Variants in L3MBTL2 observed in about 807,000 individuals in gnomAD.
L3MBTL2 encodes lethal(3)malignant brain tumor-like protein 2.
A neutral mutation model predicts 86.4 loss-of-function variants in L3MBTL2; 49 were observed. That is an observed-to-expected ratio of 0.57 (90% confidence interval 0.45 to 0.72). The LOEUF is 0.72. Among genes scored for constraint, L3MBTL2 ranks in the 30% least tolerant of loss-of-function variants. The pLI, the probability that L3MBTL2 is intolerant of heterozygous loss-of-function variation, is 0.00. For synonymous variants in L3MBTL2, 336 were observed against 350.6 expected (o/e 0.96, Z 0.47); for missense variants, 755 against 923.7 (o/e 0.82, Z 2.37).
chr22:41,226,453 A>C (rs944731951), intron 12 of L3MBTL2, among the ~76,000 whole-genome samples: 90 of 152,190 alleles, frequency 5.9e-4, no homozygotes, highest in African/African-American at 2.1e-3. Flanking sequence ...CAGAGCTCCC[A>C]CTTATCCCAT....
chr22:41,219,032 T>G, intron 5 of L3MBTL2: 1 of 178,974 alleles, frequency 5.6e-6, no homozygotes, highest in African/African-American at 2.3e-5. Flanking sequence ...TGTATGATGA[T>G]TGAAGGAAAG....
chr22:41,225,736 C>G lies in L3MBTL2; in HGVS notation c.1357-58C>G. ...TGTCCCTATTGGGGTGCGGTACCAA[C>G]CCAGGATGGGGTGCAGTTCATGATA... On this transcript the variant is annotated intron_variant, in intron 11 of 16. Transcript: ENST00000216237. This position sits in a 1 kb window ranked among gnomAD's most constrained non-coding sequence, Gnocchi z 4.1. 6.4e-7 allele frequency: 1 copy of G among 1,564,552 alleles called. No homozygotes were observed. Among genetic ancestry groups the G allele is most frequent in the Non-Finnish European group, 8.7e-7 (1 of 1,146,560 alleles).
intron 16 of L3MBTL2, 50 bp from the exon 17 acceptor site, chr22:41,230,089 C>CCCCCCCCCTTT: frequency 1.1e-6 from 1 of 873,242 alleles, no homozygotes. Context: ...GCCCCCACCC[C>CCCCCCCCCTTT]TCCCAGAGTT....
At chr22:41,208,874 CT>C (rs1273585674) in intron 1 of L3MBTL2, among the ~76,000 whole-genome samples, 1 of 152,032 alleles carries the variant, frequency 6.6e-6, no homozygotes, top group East Asian at 1.9e-4. Context: ...TCCCAAGTAC[CT>C]GGGATTACAG....
chr22:41,226,540 C>A, intron 12 of L3MBTL2, 122 bp from the exon 13 acceptor site: 1 of 738,424 alleles, frequency 1.4e-6, no homozygotes, highest in Non-Finnish European at 2.4e-6. Context: ...AAGAAGGCTG[C>A]TGGGGAGACT....
chr22:41,228,010 C>G (rs903369010), intron 15 of L3MBTL2, 141 bp downstream of exon 15: 2 of 1,431,070 alleles, frequency 1.4e-6, no homozygotes, highest in Non-Finnish European at 1.8e-6. Flanking sequence ...GTGTTCCTGT[C>G]CTGTCTCTTT....
At position 41,227,117 on chromosome 22, in the gene L3MBTL2, G is replaced by T. The variant is rs1407389129; in HGVS notation, c.1616G>T (p.Gly539Val). The T allele has an allele frequency of 1.9e-6, 3 of 1,613,234 alleles. No homozygotes were observed. The highest frequency in any genetic ancestry group is 2.5e-6 in the Non-Finnish European group (3 of 1,179,826). Residue 539 changes from glycine (G) to valine (V), a missense_variant, in exon 14 of 17, where the codon GGC becomes GTC. Around this residue, in one of 3 missense-constraint regions of L3MBTL2, gnomAD observed 634 missense variants for 748.9 expected, o/e 0.85. Coordinates refer to ENST00000216237, the MANE Select transcript of L3MBTL2 (RefSeq NM_031488.5). The surrounding 1 kb of genome is among the most constrained non-coding windows in gnomAD (Gnocchi z 6.0). ...MDCPNHGFKV[G>V]MKLEAVDLME... ...TGCCCAAACCATGGCTTCAAGGTGG[G>T]CATGAAGCTGGAGGCCGTGGACCTG...
chr22:41,210,096 C>G (rs1343811440), intron 2 of L3MBTL2, 163 bp downstream of exon 2: 6 of 795,144 alleles, frequency 7.5e-6, no homozygotes, highest in Non-Finnish European at 1.1e-5. Flanking sequence ...GAGACAGAAG[C>G]ACCCCAAGTA....
chr22:41,215,700 GTGGACCCTCTCCCGAACATTCGC>G, intron 3 of L3MBTL2, among the ~76,000 whole-genome samples: 2 of 152,220 alleles, frequency 1.3e-5, no homozygotes, highest in African/African-American at 4.8e-5. Context: ...ATTCGCCTAT[GTGGACCCTCTCCCGAACATTCGC>G]CTATGTGGAC....
intron 8 of L3MBTL2, 197 bp downstream of exon 8, chr22:41,221,484 C>G (rs2031814806): frequency 1.7e-6 from 1 of 589,436 alleles, no homozygotes; most frequent in African/African-American, 1.8e-5. Context: ...TCGGCCACTG[C>G]CCCACCCAGA....
At chr22:41,217,919 C>T (rs1295154325) in intron 5 of L3MBTL2, 1 of 152,276 alleles carries the variant, frequency 6.6e-6, no homozygotes, top group Non-Finnish European at 1.5e-5. Flanking sequence ...ACAGCTGCTT[C>T]TTGACTCAGC....
chr22:41,210,230 A>G (rs919460029), intron 2 of L3MBTL2, among the ~76,000 whole-genome samples: 4 of 149,640 alleles, frequency 2.7e-5, no homozygotes, highest in African/African-American at 1.0e-4. Flanking sequence ...GCTCACTGCA[A>G]CTTCCACCTC....
rs2032218415 is a variant in L3MBTL2 at position 41,226,854 on chromosome 22, ACAT to A, written c.1587+113_1587+115del. On this transcript the variant is annotated intron_variant, in intron 13 of 16. Transcript: ENST00000216237. ...TCTTTCTCTCGAATCTCTACTGCTG[ACAT>A]CAGCCACTTTCAGGGGGAAGTCCCC... 9 of 859,722 alleles carry A rather than the reference ACAT, an allele frequency of 1.0e-5. No individual in the cohort carries two copies. In the South Asian group the frequency reaches 1.4e-4, roughly 14 times the overall value. 53.3% of individuals were successfully genotyped at this position (859,722 alleles called of 1,614,324 possible). A position where few individuals can be genotyped will look rare whatever the true frequency, so the allele number is the denominator to read the frequency against.
chr22:41,222,361 A>G (rs2031885514), intron 8 of L3MBTL2, among the ~76,000 whole-genome samples: 1 of 152,262 alleles, frequency 6.6e-6, no homozygotes, highest in Non-Finnish European at 1.5e-5. Context: ...AGCACAGGGT[A>G]AAGCCCAGTC....
At chr22:41,217,255 C>T in intron 5 of L3MBTL2, 53 bp downstream of exon 5, 2 of 1,390,150 alleles carry the variant, frequency 1.4e-6, no homozygotes. Flanking sequence ...CCTGGAGCTG[C>T]TCCTCCACCT....
intron 5 of L3MBTL2, chr22:41,217,620 C>T (rs933489676): frequency 5.5e-6 from 1 of 181,968 alleles, no homozygotes; most frequent in South Asian, 1.0e-4. Context: ...AAAGGCTCCT[C>T]GATGCGGATC....
Position 41,224,728 on chromosome 22 carries a change from G to A in L3MBTL2, c.1178G>A (p.Arg393Lys), listed in dbSNP as rs2032065707. The A allele has an allele frequency of 1.2e-6, 2 of 1,612,972 alleles. No individual in the cohort carries two copies. Among genetic ancestry groups the A allele is most frequent in the Non-Finnish European group, 8.5e-7 (1 of 1,179,096 alleles). Residue 393 changes from arginine to lysine, a missense_variant, in exon 10 of 17, where the codon AGG becomes AAG. By Grantham distance (26) the Arg-to-Lys change is conservative (BLOSUM62 2). Transcript: ENST00000216237. This position sits in a 1 kb window ranked among gnomAD's most constrained non-coding sequence, Gnocchi z 4.9. ...RVGHGIKMSE[R>K]RSDMAHHPTF... ...TCCCTATCCATCTCCTCCAAAGAGA[G>A]GCGAAGTGACATGGCCCATCACCCC...
rs1201618865 is a variant in L3MBTL2 at position 41,227,169 on chromosome 22, C to T, written c.1668C>T (p.Ala556=). 3.7e-6 allele frequency: 6 copies of T among 1,613,640 alleles called. No homozygotes were observed. The highest frequency in any genetic ancestry group is 5.1e-6 in the Non-Finnish European group (6 of 1,180,032). The change falls in exon 14 of 17, where the codon GCC becomes GCT. Residue 556 remains alanine, a synonymous_variant. Coordinates refer to ENST00000216237, the MANE Select transcript of L3MBTL2 (RefSeq NM_031488.5). This position sits in a 1 kb window ranked among gnomAD's most constrained non-coding sequence, Gnocchi z 6.0. ...DLMEPRLICV[A]TVKRVVHRLL... ...TGGAGCCCCGGCTCATCTGTGTGGCCACGGTGAAACGAGTGGTGCATCGGC... is the reference window on the plus strand; with the variant it reads ...TGGAGCCCCGGCTCATCTGTGTGGCTACGGTGAAACGAGTGGTGCATCGGC...
intron 13 of L3MBTL2, 75 bp downstream of exon 13, chr22:41,226,819 C>A: frequency 1.8e-6 from 2 of 1,082,316 alleles, no homozygotes; most frequent in African/African-American, 1.6e-5. Flanking sequence ...TCAGTGGTGG[C>A]AGTTCCTACT....
Sources: allele counts gnomAD v4.1 joint callset (sites outside exome capture counted in the v4.1 genomes callset), GRCh38; gene constraint gnomAD v4.1.1; regional missense constraint gnomAD v4.1.1; non-coding constraint Gnocchi (gnomAD v3.1); transcripts MANE v1.5; gene names NCBI Gene and HGNC (gene_info 2026-07-23, HGNC 2026-07-21).